Variants in MCCC2 observed in about 807,000 individuals in gnomAD.
MCCC2 encodes the protein methylcrotonyl-CoA carboxylase subunit 2, also known as methylcrotonoyl-CoA carboxylase beta chain, mitochondrial.
Under a neutral mutation model 77.2 loss-of-function variants are expected in MCCC2, and 52 were observed. That is an observed-to-expected ratio of 0.67 (90% CI 0.54 to 0.85). MCCC2 has a LOEUF of 0.85. MCCC2 is among the 40% of genes least tolerant of loss of function. The probability of loss-of-function intolerance (pLI) is 0.00; values close to 1 mark genes in which losing one functional copy is unlikely to be tolerated. For synonymous variants in MCCC2, 253 were observed against 248.4 expected, an observed-to-expected ratio of 1.02 and a Z score of -0.18; for missense variants, 682 against 703.2, an observed-to-expected ratio of 0.97 and a Z score of 0.34.
Position 71,635,184 on chromosome 5 carries a change from C to T in MCCC2, c.937C>T (p.Pro313Ser), listed in dbSNP as rs754817506. Reference protein sequence around the residue: ...TIEPSEEPLFPADELYGIVGA... With the variant: ...TIEPSEEPLFSADELYGIVGA... ...TGAACCTTCTGAAGAGCCTTTATTTCCTGCTGATGAATTGTATGGAATAGT... is the reference window on the plus strand; with the variant it reads ...TGAACCTTCTGAAGAGCCTTTATTTTCTGCTGATGAATTGTATGGAATAGT... The change falls in exon 10 of 17, where the codon CCT becomes TCT. Residue 313 changes from proline (P) to serine (S), a missense_variant. Physicochemically the swap from Pro to Ser is moderately conservative, Grantham distance 74 (BLOSUM62 -1). Coordinates refer to ENST00000340941, the MANE Select transcript of MCCC2 (RefSeq NM_022132.5). 1.9e-6 allele frequency: 3 copies of T among 1,614,124 alleles called. No homozygotes were observed. The highest frequency in any genetic ancestry group is 2.5e-6 in the Non-Finnish European group (3 of 1,180,010).
chr5:71,638,924 C>T (rs1747026103), intron 10 of MCCC2, among the ~76,000 whole-genome samples: 1 of 152,214 alleles, frequency 6.6e-6, no homozygotes, highest in African/African-American at 2.4e-5. Flanking sequence ...AAAGAACACT[C>T]ATCTCTTTGT....
intron 6 of MCCC2, among the ~76,000 whole-genome samples, chr5:71,620,102 C>G (rs180815827): frequency 6.6e-6 from 1 of 152,262 alleles, no homozygotes; most frequent in African/African-American, 2.4e-5. Flanking sequence ...GAGGAGGAAA[C>G]AGAACATACT....
intron 6 of MCCC2, among the ~76,000 whole-genome samples, chr5:71,604,910 CTCA>C (rs1463394526): frequency 1.4e-5 from 2 of 143,702 alleles, no homozygotes; most frequent in Non-Finnish European, 3.0e-5. Flanking sequence ...AGGACATGAA[CTCA>C]TCATTTTTTA....
At chr5:71,609,908 G>A (rs1391231142) in intron 6 of MCCC2, among the ~76,000 whole-genome samples, 2 of 151,996 alleles carry the variant, frequency 1.3e-5, no homozygotes, top group Non-Finnish European at 2.9e-5. Context: ...ACCCACTTGA[G>A]GAGGCAGTCT....
chr5:71,598,668 C>G (rs952908007), intron 3 of MCCC2, among the ~76,000 whole-genome samples: 1 of 142,162 alleles, frequency 7.0e-6, no homozygotes, highest in African/African-American at 2.6e-5. Flanking sequence ...GTTATCCAGG[C>G]TGGTCTCAAA....
At chr5:71,649,370 A>C in intron 14 of MCCC2, 117 bp downstream of exon 14, 1 of 1,009,238 alleles carries the variant, frequency 9.9e-7, no homozygotes, top group Non-Finnish European at 1.5e-6. Context: ...TCAATCAATT[A>C]TACCGTAATT....
intron 8 of MCCC2, among the ~76,000 whole-genome samples, chr5:71,633,230 C>G (rs1007371336): frequency 5.3e-5 from 8 of 150,486 alleles, no homozygotes; most frequent in Non-Finnish European, 7.4e-5. Flanking sequence ...TTCCGAAGTG[C>G]TGGGATTACA....
chr5:71,588,268 C>CAAAA (rs11309257), intron 1 of MCCC2, among the ~76,000 whole-genome samples: 2 of 100,678 alleles, frequency 2.0e-5, no homozygotes, highest in Non-Finnish European at 2.0e-5. Context: ...AACTCTGTCT[C>CAAAA]AAAAAAAAAA....
intron 13 of MCCC2, among the ~76,000 whole-genome samples, chr5:71,647,129 T>A (rs1266722525): frequency 6.6e-6 from 1 of 152,258 alleles, no homozygotes; most frequent in Non-Finnish European, 1.5e-5. Context: ...GTGTCTGAGA[T>A]ATACAGGGCA....
rs1747601267 is a variant in MCCC2 at position 71,657,037 on chromosome 5, T to C, written c.*177T>C. 3.6e-6 allele frequency: 2 copies of C among 554,378 alleles called. No homozygotes were observed. Among genetic ancestry groups the C allele is most frequent in the Non-Finnish European group, 6.4e-6 (2 of 310,322 alleles). 34.3% of individuals were successfully genotyped at this position (554,378 alleles called of 1,614,324 possible). A position where few individuals can be genotyped will look rare whatever the true frequency, so the allele number is the denominator to read the frequency against. On this transcript the variant is annotated 3_prime_UTR_variant, in exon 17 of 17. Coordinates refer to ENST00000340941, the MANE Select transcript of MCCC2 (RefSeq NM_022132.5). The stretch of plus-strand genomic sequence containing the variant: ...TATTTATTTAATGAACATCAATTCC[T>C]TTTAAATTTTCTTAGAGAAATTTCT...
chr5:71,644,469 A>G (rs1747223533), intron 12 of MCCC2, among the ~76,000 whole-genome samples: 1 of 151,918 alleles, frequency 6.6e-6, no homozygotes, highest in Non-Finnish European at 1.5e-5. Flanking sequence ...ATTTATTATT[A>G]TTATTATTTA....
At chr5:71,619,687 C>G (rs549848946) in intron 6 of MCCC2, among the ~76,000 whole-genome samples, 1 of 152,182 alleles carries the variant, frequency 6.6e-6, no homozygotes, top group East Asian at 1.9e-4. Flanking sequence ...GCGTGTGCTA[C>G]CCTGCTTGGC....
At chr5:71,638,249 T>C (rs896033551) in intron 10 of MCCC2, among the ~76,000 whole-genome samples, 51 of 152,322 alleles carry the variant, frequency 3.3e-4, no homozygotes, top group African/African-American at 1.1e-3. Context: ...CAGACTCCAC[T>C]TCTAACTCTA....
Position 71,655,582 on chromosome 5 carries a change from T to C in MCCC2, c.1575-1161T>C, listed in dbSNP as rs546977396. Among the ~76,000 whole-genome samples the C allele has an allele frequency of 2.5e-4, 38 of 152,280 alleles. No individual in the cohort carries two copies. In the South Asian group the frequency reaches 7.1e-3, roughly 28 times the overall value. ...TGGTTGCAGATGACAAGAGTGGCTT[T>C]CTTTTTATTGGGTGTTGATACTTTA... is the stretch of plus-strand genomic sequence containing the variant. On this transcript the variant is annotated intron_variant, in intron 16 of 16. Coordinates refer to ENST00000340941, the MANE Select transcript of MCCC2 (RefSeq NM_022132.5).
chr5:71,600,009 TAAAA>T (rs1259239099), intron 4 of MCCC2, among the ~76,000 whole-genome samples: 2 of 151,800 alleles, frequency 1.3e-5, no homozygotes, highest in African/African-American at 4.8e-5. Context: ...CTACTAAAAA[TAAAA>T]AAATAAGCCG....
At chr5:71,624,374 CT>C (rs1363624921) in intron 6 of MCCC2, among the ~76,000 whole-genome samples, 2 of 152,054 alleles carry the variant, frequency 1.3e-5, no homozygotes, top group African/African-American at 4.8e-5. Context: ...TTCTTCCTTT[CT>C]TTTTCTTTTT....
At chr5:71,620,359 AG>A (rs1746312888) in intron 6 of MCCC2, among the ~76,000 whole-genome samples, 1 of 152,202 alleles carries the variant, frequency 6.6e-6, no homozygotes, top group African/African-American at 2.4e-5. Flanking sequence ...GAATTGAAAA[AG>A]AAGTAAGGTG....
intron 3 of MCCC2, among the ~76,000 whole-genome samples, chr5:71,597,132 A>C (rs951246667): frequency 2.0e-5 from 3 of 151,302 alleles, no homozygotes; most frequent in African/African-American, 7.3e-5. Context: ...AGAGAGAGAG[A>C]GCCTTGTAAC....
At chr5:71,648,157 A>T (rs945477839) in intron 13 of MCCC2, among the ~76,000 whole-genome samples, 1 of 152,182 alleles carries the variant, frequency 6.6e-6, no homozygotes, top group Non-Finnish European at 1.5e-5. Context: ...CGTGCTCTGG[A>T]GGAACTGGTT....
Sources: allele counts gnomAD v4.1 joint callset (sites outside exome capture counted in the v4.1 genomes callset), GRCh38; gene constraint gnomAD v4.1.1; transcripts MANE v1.5; gene names NCBI Gene and HGNC (gene_info 2026-07-23, HGNC 2026-07-21).